COL25A1: variants seen among roughly 807,000 people sequenced by gnomAD.
COL25A1 encodes the protein collagen alpha-1(XXV) chain.
Under a neutral mutation model 128.4 loss-of-function variants are expected in COL25A1, and 103 were observed. That is an observed-to-expected ratio of 0.80 (90% CI 0.68 to 0.94). The LOEUF is 0.94. Among genes scored for constraint, COL25A1 ranks in the 40% least tolerant of loss-of-function variants. COL25A1 has a pLI of 0.00. For synonymous variants in COL25A1, 279 were observed against 277.2 expected, an observed-to-expected ratio of 1.01 and a Z score of -0.06; for missense variants, 745 against 840.0, an observed-to-expected ratio of 0.89 and a Z score of 1.40.
At chr4:109,206,690 C>G (rs1777025360) in intron 3 of COL25A1, among the ~76,000 whole-genome samples, 1 of 152,178 alleles carries the variant, frequency 6.6e-6, no homozygotes, top group African/African-American at 2.4e-5. Context: ...CTTGCAACAA[C>G]TGAAATGAAC....
chr4:109,148,814 G>GTGTAGCTGCCCAGCCTTCTCACCTTT (rs1771195374), intron 3 of COL25A1, among the ~76,000 whole-genome samples: 1 of 152,060 alleles, frequency 6.6e-6, no homozygotes, highest in Non-Finnish European at 1.5e-5. Context: ...AGGTCTAACT[G>GTGTAGCTGCCCAGCCTTCTCACCTTT]TGTAGCTGCC....
intron 3 of COL25A1, among the ~76,000 whole-genome samples, chr4:109,279,491 G>A (rs75905788): frequency 0.023 from 3,439 of 152,138 alleles, 136 homozygotes; most frequent in African/African-American, 0.077. Flanking sequence ...GCTGAGAATC[G>A]CTTGGGTCCA....
intron 3 of COL25A1, among the ~76,000 whole-genome samples, chr4:109,189,701 T>C (rs573775962): frequency 6.6e-6 from 1 of 152,288 alleles, no homozygotes; most frequent in South Asian, 2.1e-4. Flanking sequence ...ATCTTAATAC[T>C]CCATATTTCA....
intron 13 of COL25A1, among the ~76,000 whole-genome samples, chr4:108,907,761 C>A (rs1051168332): frequency 6.6e-6 from 1 of 152,038 alleles, no homozygotes; most frequent in Non-Finnish European, 1.5e-5. Flanking sequence ...TCAATTTTAT[C>A]GTTTCTTTTC....
At chr4:109,193,366 A>G (rs1054918455) in intron 3 of COL25A1, among the ~76,000 whole-genome samples, 3 of 152,210 alleles carry the variant, frequency 2.0e-5, no homozygotes, top group Non-Finnish European at 4.4e-5. Flanking sequence ...AGTAATTGTT[A>G]GTGTGGGAAT....
chr4:108,972,149 A>G (rs1751979275), intron 8 of COL25A1, among the ~76,000 whole-genome samples: 1 of 152,182 alleles, frequency 6.6e-6, no homozygotes, highest in African/African-American at 2.4e-5. Context: ...AGCTGACATG[A>G]TGGAGTTTGG....
At chr4:109,087,427 G>A (rs1371120614) in intron 3 of COL25A1, among the ~76,000 whole-genome samples, 1 of 152,090 alleles carries the variant, frequency 6.6e-6, no homozygotes, top group East Asian at 1.9e-4. Flanking sequence ...ACATGGAAAT[G>A]CCACGGCCTA....
chr4:109,200,471 T>C (rs907326236), intron 3 of COL25A1, among the ~76,000 whole-genome samples: 10 of 152,054 alleles, frequency 6.6e-5, no homozygotes, highest in African/African-American at 2.4e-4. Context: ...TTTTGTGGGG[T>C]TTTTTTGAGA....
At chr4:109,052,088 T>C (rs1761052879) in intron 3 of COL25A1, among the ~76,000 whole-genome samples, 1 of 152,200 alleles carries the variant, frequency 6.6e-6, no homozygotes, top group African/African-American at 2.4e-5. Context: ...GTAGCTTATT[T>C]GCCATTTTCT....
chr4:108,983,642 T>C (rs182688262), intron 6 of COL25A1, among the ~76,000 whole-genome samples: 94 of 152,218 alleles, frequency 6.2e-4, no homozygotes, highest in Non-Finnish European at 1.2e-3. Context: ...CTGGAGTTTG[T>C]TCGGATGTGT....
At chr4:109,056,321 AATTTTT>A (rs1761441520) in intron 3 of COL25A1, among the ~76,000 whole-genome samples, 1 of 152,256 alleles carries the variant, frequency 6.6e-6, no homozygotes, top group East Asian at 1.9e-4. Flanking sequence ...TAAGTTGCCA[AATTTTT>A]ATTTTTATAA....
At chr4:109,131,107 T>C (rs949578716) in intron 3 of COL25A1, among the ~76,000 whole-genome samples, 35 of 152,326 alleles carry the variant, frequency 2.3e-4, no homozygotes, top group African/African-American at 7.9e-4. Flanking sequence ...TGATTAGCCT[T>C]ATATGACAAA....
At chr4:109,066,605 A>G (rs1007908418) in intron 3 of COL25A1, among the ~76,000 whole-genome samples, 1 of 152,216 alleles carries the variant, frequency 6.6e-6, no homozygotes, top group Non-Finnish European at 1.5e-5. Flanking sequence ...GTAGATTATA[A>G]ATAGATACTT....
At chr4:109,066,250 C>A (rs1762439165) in intron 3 of COL25A1, among the ~76,000 whole-genome samples, 1 of 152,138 alleles carries the variant, frequency 6.6e-6, no homozygotes, top group African/African-American at 2.4e-5. Context: ...AGAAGCACCA[C>A]TCACCCCAAG....
At chr4:109,226,083 A>G (rs1274729149) in intron 3 of COL25A1, among the ~76,000 whole-genome samples, 2 of 152,112 alleles carry the variant, frequency 1.3e-5, no homozygotes, top group Non-Finnish European at 2.9e-5. Context: ...TTGTGGTCAC[A>G]TGGGTGAAAC....
intron 3 of COL25A1, among the ~76,000 whole-genome samples, chr4:109,276,363 G>A (rs948355799): frequency 5.4e-5 from 8 of 147,662 alleles, no homozygotes; most frequent in Non-Finnish European, 1.0e-4. Flanking sequence ...AGTGAGCCGA[G>A]ATCGCGCCAC....
At chr4:109,281,546 C>T (rs1326711015) in intron 3 of COL25A1, among the ~76,000 whole-genome samples, 1 of 152,030 alleles carries the variant, frequency 6.6e-6, no homozygotes, top group African/African-American at 2.4e-5. Flanking sequence ...ACTAGCACTC[C>T]ACCAGTCAAA....
chr4:109,187,329 T>C (rs1401334391), intron 3 of COL25A1, among the ~76,000 whole-genome samples: 7 of 152,196 alleles, frequency 4.6e-5, no homozygotes, highest in Admixed American at 1.3e-4. Flanking sequence ...CATTTTAAGA[T>C]GGATGTTCAG....
intron 19 of COL25A1, among the ~76,000 whole-genome samples, chr4:108,883,789 G>A (rs1440984322): frequency 2.0e-5 from 3 of 152,160 alleles, no homozygotes; most frequent in African/African-American, 7.2e-5. Flanking sequence ...CACAAAAACA[G>A]CTGCCTAAAT....
Sources: gnomAD v4.1 joint callset for allele counts (sites outside exome capture counted in the v4.1 genomes callset) on GRCh38, gnomAD v4.1.1 for gene constraint, MANE v1.5 for transcripts, NCBI Gene and HGNC (gene_info 2026-07-23, HGNC 2026-07-21) for gene names.